AK9: variants seen among roughly 807,000 people sequenced by gnomAD.
AK9 encodes adenylate kinase domain containing 1.
In AK9, 191 loss-of-function variants were observed where a neutral mutation model predicts 239.6. That is an observed-to-expected ratio of 0.80 (90% confidence interval 0.71 to 0.90). AK9 has a LOEUF of 0.90. Among genes scored for constraint, AK9 ranks in the 40% least tolerant of loss-of-function variants. The pLI, the probability that AK9 is intolerant of heterozygous loss-of-function variation, is 0.00. For synonymous variants in AK9, 689 were observed against 721.0 expected (o/e 0.96, Z 0.71); for missense variants, 1,995 against 2,214.7 (o/e 0.90, Z 1.99).
intron 1 of AK9, among the ~76,000 whole-genome samples, chr6:109,682,709 A>G (rs1013729337): frequency 6.6e-6 from 1 of 152,160 alleles, no homozygotes; most frequent in African/African-American, 2.4e-5. Context: ...GAAAAATCGA[A>G]TCCCTGAATA....
chr6:109,577,904 C>CTCTTTCTG (rs1554260368), intron 20 of AK9, among the ~76,000 whole-genome samples: 76,150 of 136,986 alleles, frequency 0.56, 21,432 homozygotes, highest in East Asian at 0.85. Context: ...CTCTCTTTCT[C>CTCTTTCTG]TCTTTCTTTC....
At chr6:109,567,837 C>A in intron 21 of AK9, among the ~76,000 whole-genome samples, 3 of 142,178 alleles carry the variant, frequency 2.1e-5, no homozygotes, top group African/African-American at 5.3e-5. Context: ...ACATATGTAA[C>A]AAACCTGCAC....
chr6:109,678,195 T>C (rs1038471771), intron 1 of AK9, among the ~76,000 whole-genome samples: 16 of 152,182 alleles, frequency 1.1e-4, no homozygotes, highest in African/African-American at 3.4e-4. Context: ...TTAAGCAAAC[T>C]GTGGTACATC....
chr6:109,621,905 AAAAAAAAC>A (rs1331690398), intron 12 of AK9, among the ~76,000 whole-genome samples: 50 of 39,792 alleles, frequency 1.3e-3, no homozygotes, highest in East Asian at 5.5e-3. Flanking sequence ...AAAAAAAAAA[AAAAAAAAC>A]AAAAAAAAAA....
chr6:109,545,744 G>T, intron 26 of AK9, 123 bp downstream of exon 26: 1 of 1,229,066 alleles, frequency 8.1e-7, no homozygotes, highest in Non-Finnish European at 1.1e-6. Flanking sequence ...TTGAGGCTTT[G>T]GTGAGCTGTG....
chr6:109,593,611 C>A (rs925798130), intron 17 of AK9, among the ~76,000 whole-genome samples: 1 of 152,106 alleles, frequency 6.6e-6, no homozygotes, highest in Non-Finnish European at 1.5e-5. Context: ...TGCAAGAATC[C>A]TCAATAAAAT....
chr6:109,560,378 C>T (rs1785595154), intron 24 of AK9, among the ~76,000 whole-genome samples: 1 of 152,138 alleles, frequency 6.6e-6, no homozygotes, highest in Non-Finnish European at 1.5e-5. Context: ...AGCATTCAGC[C>T]TTTTACCCTT....
rs374638392 is a variant in AK9, at chr6:109,634,421, G to A, written c.934-1098C>T. Among the ~76,000 whole-genome samples the A allele has an allele frequency of 9.2e-5, 14 of 152,256 alleles. No individual in the cohort carries two copies. In the South Asian group the frequency reaches 2.1e-3, roughly 23 times the overall value. On this transcript the variant is annotated intron_variant, in intron 10 of 40. Coordinates refer to ENST00000424296, the MANE Select transcript of AK9 (RefSeq NM_001145128.3). ...TTTCTTTATAAATTACCTAGTCTGC[G>A]GTATTCTGCTATAGCAAAAGAAAAT...
At position 109,565,320 on chromosome 6, in the gene AK9, T is replaced by A. The variant is rs568753899; in HGVS notation, c.2345-475A>T. On this transcript the variant is annotated intron_variant, in intron 21 of 40. Coordinates refer to ENST00000424296, the MANE Select transcript of AK9 (RefSeq NM_001145128.3). ...AGCAAGACCACATCCCTACAAAAAA[T>A]AAAAATTAGCCAGGCATGGTGGCTC... 9.2e-5 allele frequency among the ~76,000 whole-genome samples: 14 copies of A among 151,840 alleles called. No homozygotes were observed. In the South Asian group the frequency reaches 2.7e-3, roughly 29 times the overall value.
chr6:109,536,531 C>G (rs1001299751), intron 27 of AK9, among the ~76,000 whole-genome samples: 10 of 152,166 alleles, frequency 6.6e-5, no homozygotes, highest in African/African-American at 2.4e-4. Context: ...TCTAAATACA[C>G]AATCATGTAA....
intron 8 of AK9, among the ~76,000 whole-genome samples, chr6:109,654,010 C>T (rs1799347414): frequency 1.3e-5 from 2 of 152,188 alleles, no homozygotes; most frequent in Non-Finnish European, 2.9e-5. Flanking sequence ...AGAAGACCCA[C>T]CTCCATCCTT....
intron 15 of AK9, among the ~76,000 whole-genome samples, chr6:109,612,806 A>G (rs1322542576): frequency 1.3e-5 from 2 of 151,954 alleles, no homozygotes; most frequent in African/African-American, 4.8e-5. Context: ...ACATTATTTA[A>G]CAAAATAAAT....
intron 17 of AK9, among the ~76,000 whole-genome samples, chr6:109,594,795 C>G (rs184181455): frequency 5.9e-5 from 9 of 152,164 alleles, no homozygotes; most frequent in Non-Finnish European, 1.3e-4. Context: ...GTTGGGAAAA[C>G]TGGTGAGCCA....
At chr6:109,615,683 G>A (rs527878572) in intron 13 of AK9, among the ~76,000 whole-genome samples, 2 of 152,216 alleles carry the variant, frequency 1.3e-5, no homozygotes, top group African/African-American at 4.8e-5. Context: ...TGAGAAAGAA[G>A]AGAGGCAGAT....
At chr6:109,553,943 C>T (rs144920997) in intron 24 of AK9, among the ~76,000 whole-genome samples, 7,066 of 152,240 alleles carry the variant, frequency 0.046, 193 homozygotes, top group South Asian at 0.089. Context: ...GCCTTTTCTG[C>T]ATCTATTAAG....
intron 5 of AK9, among the ~76,000 whole-genome samples, chr6:109,668,204 G>C (rs1255765793): frequency 1.3e-5 from 2 of 151,610 alleles, no homozygotes; most frequent in African/African-American, 4.8e-5. Flanking sequence ...GTCTTCTTTT[G>C]AGAAGTGTCT....
At chr6:109,528,818 G>GGGTCAGCCTTGAAAAGCTGTTACAAGAT in intron 29 of AK9, 193 bp downstream of exon 29, 1 of 910,236 alleles carries the variant, frequency 1.1e-6, no homozygotes, top group Non-Finnish European at 1.7e-6. Flanking sequence ...TGTTACAAGA[G>GGGTCAGCCTTGAAAAGCTGTTACAAGAT]TGTCTTAAGC....
intron 8 of AK9, among the ~76,000 whole-genome samples, chr6:109,646,363 T>C (rs1583406346): frequency 6.6e-6 from 1 of 152,226 alleles, no homozygotes. Flanking sequence ...GTTAGACGAA[T>C]GGCTAACTAG....
At chr6:109,611,643 C>CTTTCCTTTCCT (rs1167938208) in intron 16 of AK9, among the ~76,000 whole-genome samples, 1 of 152,044 alleles carries the variant, frequency 6.6e-6, no homozygotes, top group Non-Finnish European at 1.5e-5. Context: ...CAGTTTTTGT[C>CTTTCCTTTCCT]TTTCCTTTCC....
Sources: gnomAD v4.1 joint callset for allele counts (sites outside exome capture counted in the v4.1 genomes callset) on GRCh38, gnomAD v4.1.1 for gene constraint, MANE v1.5 for transcripts, NCBI Gene and HGNC (gene_info 2026-07-23, HGNC 2026-07-21) for gene names.